CACNA1A: variants seen among roughly 807,000 people sequenced by gnomAD.
The protein encoded by CACNA1A is voltage-dependent P/Q-type calcium channel subunit alpha-1A.
A neutral mutation model predicts 262.4 loss-of-function variants in CACNA1A; 57 were observed. That is an observed-to-expected ratio of 0.22 (90% CI 0.18 to 0.27). The LOEUF (loss-of-function observed/expected upper bound fraction) is 0.27. CACNA1A is among the 10% of genes least tolerant of loss of function. CACNA1A has a pLI of 1.00. For missense variants in CACNA1A, 2,526 were observed against 3,562.8 expected (o/e 0.71, Z 7.41); for synonymous variants, 1,431 against 1,419.3 (o/e 1.01, Z -0.18).
chr19:13,227,390 AC>A, intron 37 of CACNA1A, 40 bp downstream of exon 37: 1 of 978,970 alleles, frequency 1.0e-6, no homozygotes, highest in Non-Finnish European at 1.6e-6. Flanking sequence ...AGAAAAAAAA[AC>A]CCAGTGCCTG....
intron 3 of CACNA1A, among the ~76,000 whole-genome samples, chr19:13,414,737 C>T (rs911092721): frequency 6.6e-6 from 1 of 151,454 alleles, no homozygotes; most frequent in African/African-American, 2.4e-5. Context: ...GTGGGCGGAT[C>T]GCTTGAGCCC....
rs759586410 is a variant in CACNA1A, at chr19:13,212,533, G to A, written c.6051-11C>T. The A allele has an allele frequency of 7.1e-6, 11 of 1,558,548 alleles. No individual in the cohort carries two copies. The highest frequency in any genetic ancestry group is 8.7e-6 in the Non-Finnish European group (10 of 1,149,570). ...CTTTCGTGAGCCATCCTGCATGGGG[G>A]ACAGAGGCCGGGGTAGCAGTGGGCG... On this transcript the variant is annotated splice_polypyrimidine_tract_variant and intron_variant, in intron 41 of 46. Transcript: ENST00000360228. This position sits in a 1 kb window ranked among gnomAD's most constrained non-coding sequence, Gnocchi z 5.6.
At chr19:13,278,146 T>C (rs1192586653) in intron 22 of CACNA1A, among the ~76,000 whole-genome samples, 1 of 149,568 alleles carries the variant, frequency 6.7e-6, no homozygotes, top group Non-Finnish European at 1.5e-5. Context: ...TTACTGAACA[T>C]GGCCACCAGA....
At chr19:13,294,880 CT>C (rs2057629739) in intron 19 of CACNA1A, among the ~76,000 whole-genome samples, 2 of 152,146 alleles carry the variant, frequency 1.3e-5, no homozygotes, top group South Asian at 4.1e-4. Context: ...TCTCATTCCC[CT>C]GAGTGACTGA....
intron 6 of CACNA1A, among the ~76,000 whole-genome samples, chr19:13,336,599 GAGAGAGA>G (rs2058575427): frequency 4.6e-4 from 56 of 121,652 alleles, no homozygotes; most frequent in Middle Eastern, 4.0e-3. Context: ...GAGAGGGAGA[GAGAGAGA>G]GAGAGAGAGA....
intron 17 of CACNA1A, among the ~76,000 whole-genome samples, chr19:13,302,219 T>C (rs923423744): frequency 3.9e-5 from 6 of 152,178 alleles, no homozygotes; most frequent in Admixed American, 1.3e-4. Context: ...CAACTCTCCC[T>C]GACTTTCCCT....
intron 20 of CACNA1A, among the ~76,000 whole-genome samples, chr19:13,285,477 G>A (rs2057378558): frequency 1.3e-5 from 2 of 152,076 alleles, no homozygotes; most frequent in East Asian, 1.9e-4. Context: ...GCTGGCATTT[G>A]GAACCCAGGC....
chr19:13,499,406 A>G (rs1056641464), intron 1 of CACNA1A, among the ~76,000 whole-genome samples: 3 of 130,538 alleles, frequency 2.3e-5, no homozygotes, highest in African/African-American at 9.0e-5. Context: ...AAAGAGCGCC[A>G]CGATCAGGTT....
chr19:13,498,423 G>A (rs563245945), intron 1 of CACNA1A, among the ~76,000 whole-genome samples: 13 of 152,126 alleles, frequency 8.5e-5, no homozygotes, highest in African/African-American at 2.7e-4. Context: ...TGGCAAGTGG[G>A]TGACTAAGTT....
chr19:13,432,308 G>T (rs1200813716), intron 3 of CACNA1A, among the ~76,000 whole-genome samples: 1 of 149,682 alleles, frequency 6.7e-6, no homozygotes, highest in Admixed American at 6.7e-5. Context: ...CCAGCTACTC[G>T]GGAGGCTGAG....
intron 19 of CACNA1A, among the ~76,000 whole-genome samples, chr19:13,292,581 T>G (rs928569819): frequency 2.0e-5 from 3 of 151,856 alleles, no homozygotes; most frequent in African/African-American, 7.3e-5. Context: ...ACCACTGTAC[T>G]CCGGGGCCTG....
At chr19:13,371,664 T>A in intron 4 of CACNA1A, 24 bp downstream of exon 4, 1 of 1,540,414 alleles carries the variant, frequency 6.5e-7, no homozygotes, top group Non-Finnish European at 8.8e-7. Context: ...GCAAACCCCT[T>A]GTCAGGGTCG....
intron 6 of CACNA1A, among the ~76,000 whole-genome samples, chr19:13,341,697 T>G (rs2145168491): frequency 6.6e-6 from 1 of 152,324 alleles, no homozygotes; most frequent in South Asian, 2.1e-4. Context: ...AATGCCACCT[T>G]CTGAGGGAGG....
intron 3 of CACNA1A, among the ~76,000 whole-genome samples, chr19:13,402,873 C>CACACATATAT (rs1201892162): frequency 5.5e-4 from 40 of 72,790 alleles, no homozygotes; most frequent in South Asian, 1.0e-3. Flanking sequence ...CACACACACA[C>CACACATATAT]ATATATATAT....
intron 3 of CACNA1A, among the ~76,000 whole-genome samples, chr19:13,427,536 T>C (rs1410743872): frequency 6.6e-6 from 1 of 151,912 alleles, no homozygotes; most frequent in Non-Finnish European, 1.5e-5. Flanking sequence ...GAATGCAGGG[T>C]CCAGGGCCGT....
intron 3 of CACNA1A, among the ~76,000 whole-genome samples, chr19:13,399,215 C>G (rs1252335361): frequency 1.3e-5 from 2 of 152,038 alleles, no homozygotes; most frequent in Non-Finnish European, 2.9e-5. Context: ...TTATTATCAC[C>G]AGCCTGGAGT....
chr19:13,210,733 G>C, intron 43 of CACNA1A, 81 bp from the exon 44 acceptor site: 541 of 1,281,098 alleles, frequency 4.2e-4, no homozygotes, highest in Non-Finnish European at 5.4e-4. Context: ...GGAGAGTGAG[G>C]AGGTGGTGCA....
chr19:13,420,817 G>A (rs900986765), intron 3 of CACNA1A, among the ~76,000 whole-genome samples: 7 of 152,146 alleles, frequency 4.6e-5, no homozygotes, highest in African/African-American at 1.7e-4. Flanking sequence ...TTCTGGAAAA[G>A]AACCCCTTAT....
rs1353126355 is a variant in CACNA1A, at chr19:13,348,673, T to TA, written c.978+10932dup. ...CAACATGGTGAAACCCCGTCTTTAC[T>TA]AAAATACAAAAAATTAGCTGGGCGT... On this transcript the variant is annotated intron_variant, in intron 6 of 46. Transcript: ENST00000360228. 3.3e-5 allele frequency among the ~76,000 whole-genome samples: 5 copies of TA among 152,152 alleles called. No individual in the cohort carries two copies. In the South Asian group the frequency reaches 6.2e-4, roughly 19 times the overall value.
Sources: gnomAD v4.1 joint callset for allele counts (sites outside exome capture counted in the v4.1 genomes callset) on GRCh38, gnomAD v4.1.1 for gene constraint, Gnocchi (gnomAD v3.1) non-coding constraint, MANE v1.5 for transcripts, NCBI Gene and HGNC (gene_info 2026-07-23, HGNC 2026-07-21) for gene names.